NCKAP1: variants seen among roughly 807,000 people sequenced by gnomAD.
NCKAP1 encodes NCK associated protein 1.
Under a neutral mutation model 151.2 loss-of-function variants are expected in NCKAP1, and 21 were observed. The observed-to-expected ratio is 0.14, with a 90% CI of 0.10 to 0.20. NCKAP1 has a LOEUF of 0.20. NCKAP1 is among the 10% of genes least tolerant of loss of function. NCKAP1 has a pLI of 1.00. For missense variants in NCKAP1, 933 were observed against 1,352.1 expected (o/e 0.69, Z 4.86); for synonymous variants, 484 against 451.8 (o/e 1.07, Z -0.90).
At chr2:182,950,294 AC>A (rs1559078483) in intron 23 of NCKAP1, among the ~76,000 whole-genome samples, 3 of 152,220 alleles carry the variant, frequency 2.0e-5, no homozygotes, top group Non-Finnish European at 4.4e-5. Flanking sequence ...AAATTAAATA[AC>A]AAAAAAGCAA....
At chr2:183,007,273 C>A (rs1698494980) in intron 2 of NCKAP1, among the ~76,000 whole-genome samples, 1 of 152,058 alleles carries the variant, frequency 6.6e-6, no homozygotes, top group African/African-American at 2.4e-5. Flanking sequence ...AGCTATGGGT[C>A]ATTATTCTAA....
chr2:182,914,142 G>A lies in NCKAP1; in HGVS notation c.*11560C>T, dbSNP rs1040392022. 2.0e-5 allele frequency: 3 copies of A among 152,184 alleles called. No individual in the cohort carries two copies. Among genetic ancestry groups the A allele is most frequent in the East Asian group, 3.8e-4 (2 of 5,206 alleles). The allele number at this position is 152,184 out of a possible 1,614,324, so 9.4% of individuals were successfully genotyped here. On this transcript the variant is annotated 3_prime_UTR_variant, in exon 31 of 31. Coordinates refer to ENST00000361354, the MANE Select transcript of NCKAP1 (RefSeq NM_013436.5). Reference sequence around the variant, plus strand: ...GTATCTCCCCTTAAATGAAGTTATAGTTAGGGCAGGTAATCGTAGACAAGA... The same window carrying A: ...GTATCTCCCCTTAAATGAAGTTATAATTAGGGCAGGTAATCGTAGACAAGA...
intron 24 of NCKAP1, among the ~76,000 whole-genome samples, chr2:182,940,115 G>T (rs1350816856): frequency 1.3e-5 from 2 of 152,130 alleles, no homozygotes; most frequent in Non-Finnish European, 2.9e-5. Flanking sequence ...GAACACTGCA[G>T]CGGATTATTT....
intron 23 of NCKAP1, among the ~76,000 whole-genome samples, chr2:182,949,426 A>C (rs1398730586): frequency 6.6e-6 from 1 of 152,198 alleles, no homozygotes; most frequent in African/African-American, 2.4e-5. Context: ...TTTGTAAAAT[A>C]AGGAAAACAC....
chr2:183,013,287 A>C lies in NCKAP1; in HGVS notation c.220-9962T>G, dbSNP rs1306317681. On this transcript the variant is annotated intron_variant, in intron 2 of 30. Coordinates refer to ENST00000361354, the MANE Select transcript of NCKAP1 (RefSeq NM_013436.5). ...CACTCAGATTTCCAGTAAGCCTCTC[A>C]AACTTAACACGTCTAATATTGAGCT... Among the ~76,000 whole-genome samples, 5 of 152,058 alleles carry C rather than the reference A, an allele frequency of 3.3e-5. No homozygotes were observed. In the South Asian group the frequency reaches 1.0e-3, roughly 32 times the overall value.
chr2:182,998,470 C>T (rs182583284), intron 6 of NCKAP1, among the ~76,000 whole-genome samples: 105 of 152,130 alleles, frequency 6.9e-4, no homozygotes, highest in Non-Finnish European at 1.3e-3. Context: ...TCTCAGGATA[C>T]AAAAATCAAC....
chr2:182,990,200 C>CT (rs919009063), intron 8 of NCKAP1, among the ~76,000 whole-genome samples: 27 of 150,590 alleles, frequency 1.8e-4, no homozygotes, highest in African/African-American at 5.1e-4. Flanking sequence ...GGTATTCTTT[C>CT]TTTTTTTTTC....
At chr2:182,985,800 CAAAAA>C (rs79099011) in intron 10 of NCKAP1, among the ~76,000 whole-genome samples, 1 of 69,628 alleles carries the variant, frequency 1.4e-5, no homozygotes. Flanking sequence ...GAGACTGTCT[CAAAAA>C]AAAAAAAAAA....
At position 182,928,872 on chromosome 2, in the gene NCKAP1, T is replaced by C; in HGVS notation, c.2981A>G (p.Lys994Arg). The stretch of plus-strand genomic sequence containing the variant: ...AAACACCATGAGAAGGCAGGCAATT[T>C]TATACTCTTCTTCTGGACTAATGTT... Reference protein sequence around the residue: ...SENISPEEEYKIACLLMVFVA... With the variant: ...SENISPEEEYRIACLLMVFVA... The change falls in exon 28 of 31, where the codon AAA (lysine) becomes AGA (arginine). Residue 994 changes from lysine (K) to arginine (R), a missense_variant. By Grantham distance (26) the Lys-to-Arg change is conservative. This residue lies in a region of NCKAP1 where 326 missense variants were observed against 557.1 expected (regional missense o/e 0.59). Transcript: ENST00000361354. 4 of 1,611,228 alleles carry C rather than the reference T, an allele frequency of 2.5e-6. No homozygotes were observed. Among genetic ancestry groups the C allele is most frequent in the Non-Finnish European group, 3.4e-6 (4 of 1,178,066 alleles).
chr2:182,968,681 G>A (rs1283386021), intron 15 of NCKAP1, among the ~76,000 whole-genome samples: 1 of 152,194 alleles, frequency 6.6e-6, no homozygotes, highest in East Asian at 1.9e-4. Context: ...AGAGCTTAGG[G>A]AAATAGCAGA....
At chr2:182,926,187 C>T (rs1559068175) in intron 30 of NCKAP1, among the ~76,000 whole-genome samples, 2 of 151,682 alleles carry the variant, frequency 1.3e-5, no homozygotes, top group South Asian at 2.1e-4. Context: ...GGAAGCAAAA[C>T]CAAACATAAG....
chr2:182,927,679 A>T lies in NCKAP1; in HGVS notation c.3180+438T>A, dbSNP rs1292869315. ...TTTCACCATTAATTGTCTTTCTCCAAAGAAATGGAAAAAAGTAAAATATGT... is the reference window on the plus strand; with the variant it reads ...TTTCACCATTAATTGTCTTTCTCCATAGAAATGGAAAAAAGTAAAATATGT... On this transcript the variant is annotated intron_variant, in intron 29 of 30. Coordinates refer to ENST00000361354, the MANE Select transcript of NCKAP1 (RefSeq NM_013436.5). Among the ~76,000 whole-genome samples, 3 of 152,060 alleles carry T rather than the reference A, an allele frequency of 2.0e-5. No homozygotes were observed. In the East Asian group the frequency reaches 5.8e-4, roughly 29 times the overall value.
chr2:182,995,943 A>C, intron 6 of NCKAP1, 105 bp from the exon 7 acceptor site: 1 of 992,890 alleles, frequency 1.0e-6, no homozygotes, highest in South Asian at 1.5e-5. Context: ...TCATAAAACA[A>C]CACAGCCTAA....
chr2:182,986,085 C>A, intron 10 of NCKAP1, 86 bp downstream of exon 10: 1 of 1,233,382 alleles, frequency 8.1e-7, no homozygotes, highest in South Asian at 1.3e-5. Flanking sequence ...ATCTTGCATA[C>A]TATTAATCTG....
chr2:183,018,611 A>T (rs1343392016), intron 2 of NCKAP1, among the ~76,000 whole-genome samples: 1 of 152,182 alleles, frequency 6.6e-6, no homozygotes, highest in Non-Finnish European at 1.5e-5. Flanking sequence ...GTGACTTTCA[A>T]TAATACCATT....
In NCKAP1 at chr2:182,962,219, G is replaced by C; in HGVS notation, c.1821C>G (p.Ala607=). 6.2e-7 allele frequency: 1 copy of C among 1,612,362 alleles called. No individual in the cohort carries two copies. The highest frequency in any genetic ancestry group is 1.3e-5 in the African/African-American group (1 of 74,938). The change falls in exon 18 of 31, where the codon GCC becomes GCG. Residue 607 remains alanine, a synonymous_variant. Transcript: ENST00000361354. ...CAGTGATGAGATTTCGAGCTTGTTT[G>C]GCCATTTCATCTAGGAACATATTAC... ...SLCNMFLDEM[A]KQARNLITDI...
At chr2:182,988,213 T>C (rs1377435517) in intron 9 of NCKAP1, among the ~76,000 whole-genome samples, 1 of 152,206 alleles carries the variant, frequency 6.6e-6, no homozygotes, top group Non-Finnish European at 1.5e-5. Context: ...TATATTGGCT[T>C]ACATTTAGCG....
chr2:182,970,911 A>T (rs1697673526), intron 15 of NCKAP1, among the ~76,000 whole-genome samples: 1 of 152,162 alleles, frequency 6.6e-6, no homozygotes, highest in Non-Finnish European at 1.5e-5. Context: ...TCATGACATA[A>T]ACTCAACATA....
Position 182,971,149 on chromosome 2 carries a change from C to T in NCKAP1, c.1483-3788G>A, listed in dbSNP as rs191394661. On this transcript the variant is annotated intron_variant, in intron 15 of 30. Coordinates refer to ENST00000361354, the MANE Select transcript of NCKAP1 (RefSeq NM_013436.5). The stretch of plus-strand genomic sequence containing the variant: ...GTGGCTCACGCCTGTAATCCCAGCA[C>T]TTTGGGAGGCCGAGGCGGGCGGATC... 3.5e-3 allele frequency among the ~76,000 whole-genome samples: 539 copies of T among 152,062 alleles called. 24 individuals are homozygous for T. The East Asian group carries it at 0.089, about 25-fold the overall frequency.
Sources: allele counts gnomAD v4.1 joint callset (sites outside exome capture counted in the v4.1 genomes callset), GRCh38; gene constraint gnomAD v4.1.1; regional missense constraint gnomAD v4.1.1; transcripts MANE v1.5; gene names NCBI Gene and HGNC (gene_info 2026-07-23, HGNC 2026-07-21).